The following EDIL3 variants were observed in gnomAD, a reference collection of about 807,000 sequenced individuals.
EDIL3 encodes the protein EGF-like repeat and discoidin I-like domain-containing protein 3.
Under a neutral mutation model 67.4 loss-of-function variants are expected in EDIL3, and 37 were observed. The observed-to-expected ratio is 0.55, with a 90% CI of 0.42 to 0.72. The LOEUF is 0.72. Ranked by LOEUF, EDIL3 falls within the 30% of genes least tolerant of loss-of-function variation. The pLI, the probability that EDIL3 is intolerant of heterozygous loss-of-function variation, is 0.00. For missense variants in EDIL3, 527 were observed against 586.3 expected (o/e 0.90, Z 1.04); for synonymous variants, 195 against 196.3 (o/e 0.99, Z 0.05).
intron 1 of EDIL3, among the ~76,000 whole-genome samples, chr5:84,359,834 A>G (rs305645): frequency 0.015 from 2,267 of 152,262 alleles, 64 homozygotes; most frequent in African/African-American, 0.052. Context: ...AGCCAACTGC[A>G]GTCAGACCAT....
At chr5:84,376,712 T>G (rs1038732165) in intron 1 of EDIL3, among the ~76,000 whole-genome samples, 5 of 152,192 alleles carry the variant, frequency 3.3e-5, no homozygotes, top group African/African-American at 9.7e-5. Flanking sequence ...TGCAAGTACG[T>G]TTACAGGCAA....
intron 6 of EDIL3, among the ~76,000 whole-genome samples, chr5:84,097,595 G>A (rs1747286808): frequency 1.3e-5 from 2 of 152,080 alleles, no homozygotes; most frequent in Non-Finnish European, 2.9e-5. Context: ...AGAGCATCCT[G>A]AAAGTAGGTG....
At chr5:84,316,787 C>T (rs915737391) in intron 1 of EDIL3, among the ~76,000 whole-genome samples, 4 of 152,112 alleles carry the variant, frequency 2.6e-5, no homozygotes, top group African/African-American at 2.4e-5. Context: ...AACTCTCCAC[C>T]CTAAATCAAC....
At chr5:84,013,906 A>ACC (rs1745556649) in intron 9 of EDIL3, among the ~76,000 whole-genome samples, 1 of 152,170 alleles carries the variant, frequency 6.6e-6, no homozygotes, top group South Asian at 2.1e-4. Flanking sequence ...ATTATATTAT[A>ACC]TCATATAGAT....
intron 1 of EDIL3, among the ~76,000 whole-genome samples, chr5:84,293,560 G>C (rs761169917): frequency 6.6e-6 from 1 of 151,946 alleles, no homozygotes; most frequent in Non-Finnish European, 1.5e-5. Flanking sequence ...AGTTCCATCC[G>C]CATGTGTCCC....
At chr5:83,963,667 T>G (rs1744644234) in intron 9 of EDIL3, among the ~76,000 whole-genome samples, 1 of 150,972 alleles carries the variant, frequency 6.6e-6, no homozygotes, top group African/African-American at 2.4e-5. Context: ...TTTTTTTTTT[T>G]TTTTTGTAAC....
At chr5:84,308,817 T>A (rs1202369550) in intron 1 of EDIL3, among the ~76,000 whole-genome samples, 1 of 152,186 alleles carries the variant, frequency 6.6e-6, no homozygotes, top group Non-Finnish European at 1.5e-5. Context: ...TTTTTAAAAT[T>A]TAAATATGTT....
chr5:84,326,817 T>C (rs1746768162), intron 1 of EDIL3, among the ~76,000 whole-genome samples: 1 of 151,942 alleles, frequency 6.6e-6, no homozygotes, highest in South Asian at 2.1e-4. Flanking sequence ...CCTTCTACAT[T>C]CTCTCTTTGA....
chr5:84,085,069 T>C (rs1409501290), intron 6 of EDIL3, among the ~76,000 whole-genome samples: 1 of 152,208 alleles, frequency 6.6e-6, no homozygotes, highest in Non-Finnish European at 1.5e-5. Flanking sequence ...GGATTTGGGA[T>C]TTATAATTTG....
intron 9 of EDIL3, among the ~76,000 whole-genome samples, chr5:83,997,787 T>A (rs1015149969): frequency 6.6e-6 from 1 of 152,026 alleles, no homozygotes; most frequent in African/African-American, 2.4e-5. Flanking sequence ...AGCACCTTCA[T>A]AAGAACCAAA....
At chr5:84,146,484 A>G (rs956836167) in intron 4 of EDIL3, among the ~76,000 whole-genome samples, 6 of 152,176 alleles carry the variant, frequency 3.9e-5, no homozygotes, top group Non-Finnish European at 8.8e-5. Flanking sequence ...GATAACACAT[A>G]GTCCTTGTTC....
At chr5:84,191,816 A>G (rs1329663168) in intron 3 of EDIL3, among the ~76,000 whole-genome samples, 1 of 152,078 alleles carries the variant, frequency 6.6e-6, no homozygotes, top group African/African-American at 2.4e-5. Context: ...TCCATGTCAA[A>G]TCACAGAGGG....
At chr5:84,322,974 C>A (rs1342858835) in intron 1 of EDIL3, among the ~76,000 whole-genome samples, 1 of 151,914 alleles carries the variant, frequency 6.6e-6, no homozygotes, top group Non-Finnish European at 1.5e-5. Flanking sequence ...ATACTGTCTT[C>A]AAACCTAAAA....
chr5:84,319,462 TCAAAAAAAAAAAAA>T (rs1746580963), intron 1 of EDIL3, among the ~76,000 whole-genome samples: 1 of 32,394 alleles, frequency 3.1e-5, no homozygotes, highest in Non-Finnish European at 5.5e-5. Context: ...AGACTCCGTC[TCAAAAAAAAAAAAA>T]CAAAAAACAA....
chr5:84,130,590 TTTGTC>T (rs1747947541), intron 5 of EDIL3, among the ~76,000 whole-genome samples: 1 of 152,096 alleles, frequency 6.6e-6, no homozygotes, highest in Non-Finnish European at 1.5e-5. Flanking sequence ...ATGTTTTCCT[TTTGTC>T]TTGTCACAGC....
At chr5:84,197,223 T>C (rs1046188818) in intron 3 of EDIL3, among the ~76,000 whole-genome samples, 1 of 151,970 alleles carries the variant, frequency 6.6e-6, no homozygotes, top group African/African-American at 2.4e-5. Flanking sequence ...AACTTCAATA[T>C]TATGAAATGA....
At chr5:84,015,506 C>A (rs1349604733) in intron 9 of EDIL3, among the ~76,000 whole-genome samples, 1 of 151,982 alleles carries the variant, frequency 6.6e-6, no homozygotes, top group African/African-American at 2.4e-5. Flanking sequence ...ATATTTGATT[C>A]CTAAAACAGA....
chr5:84,173,430 G>A (rs1413815124), intron 4 of EDIL3, among the ~76,000 whole-genome samples: 5 of 152,104 alleles, frequency 3.3e-5, no homozygotes, highest in Non-Finnish European at 5.9e-5. Context: ...CCTGTATGAA[G>A]AGTCACCAAC....
At chr5:83,993,951 A>G (rs999408469) in intron 9 of EDIL3, among the ~76,000 whole-genome samples, 1 of 152,196 alleles carries the variant, frequency 6.6e-6, no homozygotes, top group African/African-American at 2.4e-5. Context: ...ACTGTTGCTT[A>G]TATTACACCC....
Sources: gnomAD v4.1 joint callset for allele counts (sites outside exome capture counted in the v4.1 genomes callset) on GRCh38, gnomAD v4.1.1 for gene constraint, MANE v1.5 for transcripts, NCBI Gene and HGNC (gene_info 2026-07-23, HGNC 2026-07-21) for gene names.